Variants in MTA3 observed in about 807,000 individuals in gnomAD.
MTA3 encodes metastasis associated 1 family member 3, also known as metastasis-associated protein MTA3.
Under a neutral mutation model 83.5 loss-of-function variants are expected in MTA3, and 34 were observed. That is an observed-to-expected ratio of 0.41 (90% CI 0.31 to 0.54). MTA3 has a LOEUF of 0.54. MTA3 is among the 20% of genes least tolerant of loss of function. The pLI, the probability that MTA3 is intolerant of heterozygous loss-of-function variation, is 0.33. For missense variants in MTA3, 761 were observed against 726.4 expected (o/e 1.05, Z -0.55); for synonymous variants, 303 against 252.7 (o/e 1.20, Z -1.89).
chr2:42,525,196 TC>T lies in MTA3; in HGVS notation c.-141+29943del, dbSNP rs1553337577. On this transcript the variant is annotated intron_variant, in intron 2 of 17. Transcript: ENST00000405592. ...CACTTCAATTTCTTTTTCTTCTTCT[TC>T]TTTTTTTTTTTTGAATTTTGAGTTT... is the stretch of plus-strand genomic sequence containing the variant. Among the ~76,000 whole-genome samples, 220 of 62,522 alleles carry T rather than the reference TC, an allele frequency of 3.5e-3. 5 individuals are homozygous for T. The highest frequency in any genetic ancestry group is 9.8e-3 in the African/African-American group (160 of 16,290). The allele number at this position is 62,522 out of a possible 152,430, so 41.0% of individuals were successfully genotyped here. A position where few individuals can be genotyped will look rare whatever the true frequency, so the allele number is the denominator to read the frequency against.
chr2:42,599,416 A>C (rs991977182), intron 3 of MTA3, among the ~76,000 whole-genome samples: 1 of 152,048 alleles, frequency 6.6e-6, no homozygotes, highest in South Asian at 2.1e-4. Flanking sequence ...AACACAGTGA[A>C]ACCCCGTCTC....
At chr2:42,616,577 T>TC (rs1446531160) in intron 4 of MTA3, among the ~76,000 whole-genome samples, 2 of 124,130 alleles carry the variant, frequency 1.6e-5, no homozygotes, top group African/African-American at 6.2e-5. Context: ...TTCTTCTTTT[T>TC]TTTTTTTTTT....
chr2:42,703,044 C>G (rs775506163), intron 11 of MTA3: 2 of 152,104 alleles, frequency 1.3e-5, no homozygotes, highest in Non-Finnish European at 1.5e-5. Flanking sequence ...ACTGCAGCCT[C>G]TAACTCCTGG....
chr2:42,721,283 T>C (rs1667389062), intron 15 of MTA3, among the ~76,000 whole-genome samples: 1 of 151,356 alleles, frequency 6.6e-6, no homozygotes, highest in African/African-American at 2.4e-5. Flanking sequence ...ACAGGTAATA[T>C]GCGTTGGGCA....
At position 42,682,576 on chromosome 2, in the gene MTA3, T is replaced by TA. The variant is rs1225082436; in HGVS notation, c.879dup (p.Arg294ThrfsTer12). On this transcript the variant is annotated frameshift_variant, in exon 9 of 17. Coordinates refer to ENST00000405094, the MANE Select transcript of MTA3 (RefSeq NM_001330442.2). LOFTEE classifies it high-confidence loss of function. ...AAATATGGCAAAGACTTCAATGACATACGGCAAGATTTTGTAAGTAGAAAA... is the reference window on the plus strand; with the variant it reads ...AAATATGGCAAAGACTTCAATGACATAACGGCAAGATTTTGTAAGTAGAAAA... The TA allele has an allele frequency of 6.2e-7, 1 of 1,610,416 alleles. No homozygotes were observed. The highest frequency in any genetic ancestry group is 2.2e-5 in the East Asian group (1 of 44,786).
chr2:42,707,168 A>G lies in MTA3; in HGVS notation c.1151-735A>G, dbSNP rs921724342. Among the ~76,000 whole-genome samples the G allele has an allele frequency of 9.2e-5, 14 of 152,188 alleles. No homozygotes were observed. The East Asian group carries it at 1.7e-3, about 19-fold the overall frequency. On this transcript the variant is annotated intron_variant, in intron 12 of 16. Transcript: ENST00000405094. Reference sequence around the variant, plus strand: ...TTTTATTAGATTCCTGACTTTATCAATGAGACCTCCCTGAGTACCTTAAAT... The same window carrying G: ...TTTTATTAGATTCCTGACTTTATCAGTGAGACCTCCCTGAGTACCTTAAAT...
chr2:42,551,951 C>T (rs986312282), intron 2 of MTA3, among the ~76,000 whole-genome samples: 6 of 152,252 alleles, frequency 3.9e-5, no homozygotes, highest in Middle Eastern at 3.4e-3. Flanking sequence ...TGGTCTCGAT[C>T]TCTTGACCTC....
At chr2:42,533,083 CTTTTTTTTT>C in intron 2 of MTA3, 2 of 116,500 alleles carry the variant, frequency 1.7e-5, no homozygotes, top group South Asian at 2.5e-4. Flanking sequence ...GTGGGGCATT[CTTTTTTTTT>C]TTTTTTTTTT....
intron 9 of MTA3, 159 bp downstream of exon 9, chr2:42,682,748 A>T: frequency 1.5e-6 from 1 of 684,440 alleles, no homozygotes; most frequent in Non-Finnish European, 2.4e-6. Flanking sequence ...GGAGAAACTG[A>T]TAATTGTTTG....
intron 2 of MTA3, among the ~76,000 whole-genome samples, chr2:42,537,638 G>A (rs777024520): frequency 6.6e-6 from 1 of 152,092 alleles, no homozygotes; most frequent in Non-Finnish European, 1.5e-5. Flanking sequence ...CTGGGAAATG[G>A]TTCTGGATTA....
intron 2 of MTA3, among the ~76,000 whole-genome samples, chr2:42,530,075 C>T (rs902547266): frequency 2.0e-5 from 3 of 151,662 alleles, no homozygotes; most frequent in Non-Finnish European, 4.4e-5. Context: ...ATCCCAGCTA[C>T]TCGGGAGGCT....
At chr2:42,692,784 C>G (rs970004931) in intron 9 of MTA3, among the ~76,000 whole-genome samples, 4 of 152,166 alleles carry the variant, frequency 2.6e-5, no homozygotes, top group Admixed American at 1.3e-4. Flanking sequence ...CAGCATTGGT[C>G]CCTCCTGACT....
At chr2:42,648,795 G>A (rs1020870696) in intron 6 of MTA3, among the ~76,000 whole-genome samples, 1 of 151,956 alleles carries the variant, frequency 6.6e-6, no homozygotes, top group African/African-American at 2.4e-5. Context: ...AGAAAAATTT[G>A]TTCTACATAT....
intron 4 of MTA3, among the ~76,000 whole-genome samples, chr2:42,626,714 A>G (rs978138775): frequency 2.6e-5 from 4 of 151,956 alleles, no homozygotes; most frequent in African/African-American, 7.2e-5. Flanking sequence ...GGTCAGTTCC[A>G]TTTTTCCTAG....
intron 2 of MTA3, among the ~76,000 whole-genome samples, chr2:42,518,379 C>T (rs565050893): frequency 6.6e-6 from 1 of 152,152 alleles, no homozygotes; most frequent in Non-Finnish European, 1.5e-5. Context: ...CTCAAACAGA[C>T]AAACAAATAA....
chr2:42,647,024 C>T (rs187425869), intron 6 of MTA3, among the ~76,000 whole-genome samples: 2,122 of 150,732 alleles, frequency 0.014, 51 homozygotes, highest in African/African-American at 0.048. Flanking sequence ...GGCGTGGTGG[C>T]GGGCGCCTAT....
At chr2:42,583,009 T>C (rs567205898) in intron 3 of MTA3, among the ~76,000 whole-genome samples, 2 of 152,236 alleles carry the variant, frequency 1.3e-5, no homozygotes, top group East Asian at 3.9e-4. Context: ...TTCCTTTTTT[T>C]CTCATCTGTA....
chr2:42,571,813 G>C (rs1678517713), intron 2 of MTA3, among the ~76,000 whole-genome samples: 1 of 152,066 alleles, frequency 6.6e-6, no homozygotes, highest in African/African-American at 2.4e-5. Context: ...TGAGTGTGTT[G>C]GTGCATGCCT....
intron 2 of MTA3, among the ~76,000 whole-genome samples, chr2:42,577,795 CAAGAA>C (rs1679220869): frequency 6.6e-6 from 1 of 152,038 alleles, no homozygotes; most frequent in African/African-American, 2.4e-5. Context: ...TTTAATGTCT[CAAGAA>C]GAGACAAAAA....
Sources: allele counts gnomAD v4.1 joint callset (sites outside exome capture counted in the v4.1 genomes callset), GRCh38; gene constraint gnomAD v4.1.1; transcripts MANE v1.5; gene names NCBI Gene and HGNC (gene_info 2026-07-23, HGNC 2026-07-21).